The following NALCN variants were observed in gnomAD, a reference collection of about 807,000 sequenced individuals.
The protein encoded by NALCN is sodium leak channel, non-selective, also known as sodium leak channel NALCN.
Under a neutral mutation model 225.3 loss-of-function variants are expected in NALCN, and 111 were observed. The observed-to-expected ratio is 0.49, with a 90% CI of 0.42 to 0.58. NALCN has a LOEUF of 0.58. Ranked by LOEUF, NALCN falls within the 20% of genes least tolerant of loss-of-function variation. NALCN has a pLI of 0.00. For missense variants in NALCN, 1,378 were observed against 2,202.4 expected (o/e 0.63, Z 7.49); for synonymous variants, 764 against 769.0 (o/e 0.99, Z 0.11).
rs2031464701 is a variant in NALCN at position 101,057,933 on chromosome 13, A to T, written c.5023+6T>A. On this transcript the variant is annotated splice_donor_region_variant and intron_variant, in intron 43 of 43. Coordinates refer to ENST00000251127, the MANE Select transcript of NALCN (RefSeq NM_052867.4). ...GATCGCTGGAGAAATGCCTGGATGGACCTACCTGAGGGCAGACGCCACTGC... is the reference window on the plus strand; with the variant it reads ...GATCGCTGGAGAAATGCCTGGATGGTCCTACCTGAGGGCAGACGCCACTGC... 1.2e-6 allele frequency: 2 copies of T among 1,606,408 alleles called. No individual in the cohort carries two copies. Among genetic ancestry groups the T allele is most frequent in the African/African-American group, 2.7e-5 (2 of 74,734 alleles).
At chr13:101,335,261 T>C (rs1015833272) in intron 7 of NALCN, among the ~76,000 whole-genome samples, 1 of 152,200 alleles carries the variant, frequency 6.6e-6, no homozygotes, top group African/African-American at 2.4e-5. Flanking sequence ...TTTCTGCCTT[T>C]AAACTCCTTT....
chr13:101,313,370 G>T (rs1370241304), intron 7 of NALCN, among the ~76,000 whole-genome samples: 1 of 152,116 alleles, frequency 6.6e-6, no homozygotes, highest in Admixed American at 6.6e-5. Flanking sequence ...CACAGCAAAA[G>T]AAACCGTCAT....
intron 7 of NALCN, among the ~76,000 whole-genome samples, chr13:101,334,456 G>A (rs1230522334): frequency 6.6e-6 from 1 of 152,008 alleles, no homozygotes; most frequent in Non-Finnish European, 1.5e-5. Context: ...AGGAAGAATG[G>A]GATGAATACA....
intron 7 of NALCN, among the ~76,000 whole-genome samples, chr13:101,307,025 T>G (rs746302087): frequency 6.6e-5 from 10 of 152,188 alleles, no homozygotes; most frequent in Non-Finnish European, 1.2e-4. Flanking sequence ...TTCATGTTGT[T>G]GCATGATTAT....
In NALCN at chr13:101,103,313, CA is replaced by C. The variant is rs1488162455; in HGVS notation, c.2915del (p.Met972SerfsTer14). The C allele has an allele frequency of 6.2e-7, 1 of 1,612,124 alleles. No individual in the cohort carries two copies. The highest frequency in any genetic ancestry group is 2.2e-5 in the East Asian group (1 of 44,842). On this transcript the variant is annotated frameshift_variant, in exon 26 of 44. Coordinates refer to ENST00000251127, the MANE Select transcript of NALCN (RefSeq NM_052867.4). LOFTEE classifies it high-confidence loss of function. ...YLVSLIFLCW[M>X]PQNVPAESGA... Reference sequence around the variant, plus strand: ...CCGATTCAGCAGGTACATTTTGAGGCATCCAACAAAGAAATATCAAGCTCAC... The same window carrying C: ...CCGATTCAGCAGGTACATTTTGAGGCTCCAACAAAGAAATATCAAGCTCAC...
At chr13:101,290,443 T>A (rs2139041256) in intron 9 of NALCN, among the ~76,000 whole-genome samples, 1 of 152,304 alleles carries the variant, frequency 6.6e-6, no homozygotes, top group Non-Finnish European at 1.5e-5. Flanking sequence ...CTTTCTTATC[T>A]CTCATAGTTT....
At chr13:101,357,314 C>A (rs1403424019) in intron 6 of NALCN, among the ~76,000 whole-genome samples, 2 of 152,072 alleles carry the variant, frequency 1.3e-5, no homozygotes, top group Non-Finnish European at 2.9e-5. Flanking sequence ...AACTCCTTAA[C>A]CTGATAAGCA....
chr13:101,321,165 A>C (rs1451904105), intron 7 of NALCN, among the ~76,000 whole-genome samples: 4 of 152,198 alleles, frequency 2.6e-5, no homozygotes, highest in Non-Finnish European at 5.9e-5. Context: ...CTAGGCCTCC[A>C]GCATTTTATC....
rs549499979 is a variant in NALCN at position 101,148,558 on chromosome 13, C to T, written c.1840-3662G>A. ...GGGGGAATGCCTTAAACCCCCTACTCGTACTGTCGTTTGACACTATATTGT... is the reference window on the plus strand; with the variant it reads ...GGGGGAATGCCTTAAACCCCCTACTTGTACTGTCGTTTGACACTATATTGT... On this transcript the variant is annotated intron_variant, in intron 15 of 43. Coordinates refer to ENST00000251127, the MANE Select transcript of NALCN (RefSeq NM_052867.4). Among the ~76,000 whole-genome samples the T allele has an allele frequency of 3.7e-4, 57 of 152,308 alleles. 1 individual carries two copies. Among genetic ancestry groups the T allele is most frequent in the Middle Eastern group, 3.4e-3 (1 of 294 alleles).
intron 28 of NALCN, among the ~76,000 whole-genome samples, chr13:101,092,517 C>T (rs2034287579): frequency 6.6e-6 from 1 of 152,196 alleles, no homozygotes; most frequent in Non-Finnish European, 1.5e-5. Flanking sequence ...CCTCACCTGC[C>T]TCTGACCCTG....
At chr13:101,065,964 A>G (rs1328466789) in intron 39 of NALCN, among the ~76,000 whole-genome samples, 2 of 152,310 alleles carry the variant, frequency 1.3e-5, no homozygotes, top group East Asian at 1.9e-4. Context: ...GACAAGACAC[A>G]CACGTGTAAT....
chr13:101,267,866 T>A (rs1010007143), intron 10 of NALCN, among the ~76,000 whole-genome samples: 11 of 152,218 alleles, frequency 7.2e-5, no homozygotes, highest in African/African-American at 2.7e-4. Context: ...GGATGCCTTG[T>A]GGTTTAGCAA....
chr13:101,176,415 A>G (rs372279095), intron 14 of NALCN, 41 bp from the exon 15 acceptor site: 34 of 1,452,592 alleles, frequency 2.3e-5, no homozygotes, highest in South Asian at 2.5e-5. Flanking sequence ...CCCACATGCC[A>G]TAAGTATCAA....
intron 18 of NALCN, 118 bp from the exon 19 acceptor site, chr13:101,111,344 C>T: frequency 1.4e-6 from 1 of 733,912 alleles, no homozygotes; most frequent in South Asian, 2.9e-5. Flanking sequence ...ACACAAAATA[C>T]AGCAAATAAC....
At chr13:101,313,218 C>A (rs577030175) in intron 7 of NALCN, among the ~76,000 whole-genome samples, 69 of 152,094 alleles carry the variant, frequency 4.5e-4, no homozygotes, top group African/African-American at 1.7e-3. Context: ...AGACCTAAAA[C>A]CATAAAAACC....
intron 7 of NALCN, among the ~76,000 whole-genome samples, chr13:101,342,128 G>C (rs1384582943): frequency 6.6e-6 from 1 of 151,686 alleles, no homozygotes. Flanking sequence ...TGGAATTGAA[G>C]GTTTTTATAA....
intron 13 of NALCN, among the ~76,000 whole-genome samples, chr13:101,220,567 T>C (rs962259187): frequency 6.6e-6 from 1 of 152,214 alleles, no homozygotes; most frequent in African/African-American, 2.4e-5. Flanking sequence ...ATACTCCTTC[T>C]AGTCACTTCA....
At chr13:101,135,233 T>C (rs1230263643) in intron 17 of NALCN, among the ~76,000 whole-genome samples, 2 of 152,162 alleles carry the variant, frequency 1.3e-5, no homozygotes, top group Non-Finnish European at 2.9e-5. Context: ...ATACGCTAGA[T>C]AGATTTTAAT....
At chr13:101,377,669 G>A (rs1051518507) in intron 4 of NALCN, among the ~76,000 whole-genome samples, 1 of 152,158 alleles carries the variant, frequency 6.6e-6, no homozygotes, top group African/African-American at 2.4e-5. Flanking sequence ...AGAATGGGCT[G>A]TGAAGTTTTG....
Sources: gnomAD v4.1 joint callset for allele counts (sites outside exome capture counted in the v4.1 genomes callset) on GRCh38, gnomAD v4.1.1 for gene constraint, MANE v1.5 for transcripts, NCBI Gene and HGNC (gene_info 2026-07-23, HGNC 2026-07-21) for gene names.